RPS6KC1: variants seen among roughly 807,000 people sequenced by gnomAD.
RPS6KC1 encodes the protein inactive ribosomal protein S6 kinase delta-1.
A neutral mutation model predicts 103.8 loss-of-function variants in RPS6KC1; 54 were observed. The ratio of observed to expected loss-of-function variants is 0.52; its 90% CI spans 0.42 to 0.65. The LOEUF (loss-of-function observed/expected upper bound fraction) is 0.65, where lower values mean the gene tolerates loss of function less well. Among genes scored for constraint, RPS6KC1 ranks in the 30% least tolerant of loss-of-function variants. The pLI, the probability that RPS6KC1 is intolerant of heterozygous loss-of-function variation, is 0.00. For missense variants in RPS6KC1, 1,151 were observed against 1,253.8 expected, an observed-to-expected ratio of 0.92 and a Z score of 1.24; for synonymous variants, 439 against 438.7, an observed-to-expected ratio of 1.00 and a Z score of -0.01.
chr1:213,677,216 C>G, the RPS6KC1 span, among the ~76,000 whole-genome samples: 7 of 152,246 alleles, frequency 4.6e-5, no homozygotes, highest in Non-Finnish European at 1.0e-4. Context: ...AACAAGGTCT[C>G]TTGTTATTCC....
intron 3 of RPS6KC1, among the ~76,000 whole-genome samples, chr1:213,101,232 A>G (rs1338402112): frequency 6.6e-6 from 1 of 152,120 alleles, no homozygotes; most frequent in Non-Finnish European, 1.5e-5. Context: ...TCTTCTTTTG[A>G]GAAGAGTCTG....
At chr1:213,590,348 C>A in the RPS6KC1 span, among the ~76,000 whole-genome samples, 1 of 152,036 alleles carries the variant, frequency 6.6e-6, no homozygotes, top group African/African-American at 2.4e-5. Flanking sequence ...ATCAGAGAGA[C>A]TGAAGAAATT....
chr1:213,291,619 G>A, the RPS6KC1 span, among the ~76,000 whole-genome samples: 1 of 152,202 alleles, frequency 6.6e-6, no homozygotes, highest in East Asian at 1.9e-4. Flanking sequence ...CTGAAAATTG[G>A]AGCCCAGAGA....
chr1:213,687,558 C>A, the RPS6KC1 span, among the ~76,000 whole-genome samples: 1 of 152,098 alleles, frequency 6.6e-6, no homozygotes, highest in Non-Finnish European at 1.5e-5. Flanking sequence ...GGATTGAATT[C>A]TATTTTCCTC....
chr1:213,402,958 C>CAAAAAAAAAAA, the RPS6KC1 span, among the ~76,000 whole-genome samples: 14 of 111,426 alleles, frequency 1.3e-4, no homozygotes, highest in East Asian at 2.7e-4. Flanking sequence ...ACTAAAAATA[C>CAAAAAAAAAAA]AAAAAAAAAA....
At chr1:213,298,984 AG>A in the RPS6KC1 span, among the ~76,000 whole-genome samples, 4 of 152,158 alleles carry the variant, frequency 2.6e-5, no homozygotes, top group Admixed American at 2.0e-4. Context: ...AGTGTCAGGT[AG>A]GGCTGGAATC....
chr1:213,485,273 A>G, the RPS6KC1 span, among the ~76,000 whole-genome samples: 1 of 152,168 alleles, frequency 6.6e-6, no homozygotes, highest in East Asian at 1.9e-4. Context: ...CTCCCAACCA[A>G]TGAGTGAGGA....
chr1:213,497,570 A>G, the RPS6KC1 span, among the ~76,000 whole-genome samples: 1 of 152,202 alleles, frequency 6.6e-6, no homozygotes, highest in Admixed American at 6.5e-5. Context: ...GGATGCAACC[A>G]AAGCAGTAAC....
Position 213,240,607 on chromosome 1 carries a change from G to C in RPS6KC1, c.1226-95G>C, listed in dbSNP as rs2094328318. ...TGGATATTATTGACTTGTTTTGATT[G>C]ATTTTTAAGATAGTTTTTGTTTTTC... On this transcript the variant is annotated intron_variant, in intron 10 of 14. Coordinates refer to ENST00000366960, the MANE Select transcript of RPS6KC1 (RefSeq NM_012424.6). 11 of 1,016,894 alleles carry C rather than the reference G, an allele frequency of 1.1e-5. No homozygotes were observed. The Admixed American group carries it at 2.5e-4, about 24-fold the overall frequency. The allele number at this position is 1,016,894 out of a possible 1,614,324, so 63.0% of individuals were successfully genotyped here.
At chr1:213,367,304 C>G in the RPS6KC1 span, among the ~76,000 whole-genome samples, 2 of 152,184 alleles carry the variant, frequency 1.3e-5, no homozygotes, top group African/African-American at 4.8e-5. Flanking sequence ...CTTTTAAGTC[C>G]TTTTCTTGCA....
At chr1:213,287,773 G>A in the RPS6KC1 span, among the ~76,000 whole-genome samples, 37 of 152,204 alleles carry the variant, frequency 2.4e-4, no homozygotes, top group South Asian at 4.2e-4. Context: ...GTTTAAGAGG[G>A]CTGGCTGGCT....
the RPS6KC1 span, among the ~76,000 whole-genome samples, chr1:213,404,982 G>A: frequency 1.3e-5 from 2 of 152,194 alleles, no homozygotes; most frequent in African/African-American, 4.8e-5. Flanking sequence ...TGAGGTGGAG[G>A]CACAAACGCC....
the RPS6KC1 span, among the ~76,000 whole-genome samples, chr1:213,669,677 G>A: frequency 6.6e-6 from 1 of 152,102 alleles, no homozygotes; most frequent in Non-Finnish European, 1.5e-5. Flanking sequence ...AAAGCAGAGA[G>A]CAATAAAATG....
chr1:213,145,352 AAT>A (rs2087616297), intron 6 of RPS6KC1, among the ~76,000 whole-genome samples: 3 of 152,118 alleles, frequency 2.0e-5, no homozygotes, highest in Non-Finnish European at 4.4e-5. Flanking sequence ...GGCTAGGAAG[AAT>A]GAAGTTAGAG....
the RPS6KC1 span, among the ~76,000 whole-genome samples, chr1:213,645,565 A>G: frequency 6.6e-6 from 1 of 152,006 alleles, no homozygotes; most frequent in African/African-American, 2.4e-5. Flanking sequence ...ACCCCATGTC[A>G]CCTACTTGTC....
the RPS6KC1 span, among the ~76,000 whole-genome samples, chr1:213,559,617 C>T: frequency 1.3e-5 from 2 of 152,146 alleles, no homozygotes; most frequent in African/African-American, 4.8e-5. Flanking sequence ...GCTGGCCAAA[C>T]AAAACATCTG....
At chr1:213,414,484 C>T in the RPS6KC1 span, among the ~76,000 whole-genome samples, 1 of 152,108 alleles carries the variant, frequency 6.6e-6, no homozygotes, top group South Asian at 2.1e-4. Context: ...AAGAAGGAGG[C>T]AGAGATTGGG....
the RPS6KC1 span, chr1:213,731,318 T>G: frequency 6.6e-6 from 1 of 152,228 alleles, no homozygotes; most frequent in Non-Finnish European, 1.5e-5. Context: ...TACCATTGAA[T>G]CTATAAATTG....
At chr1:213,764,410 A>T in the RPS6KC1 span, among the ~76,000 whole-genome samples, 10 of 152,144 alleles carry the variant, frequency 6.6e-5, no homozygotes, top group Non-Finnish European at 1.3e-4. Context: ...AGGGCCCAGG[A>T]TCAGCCTGCT....
Sources: allele counts gnomAD v4.1 joint callset (sites outside exome capture counted in the v4.1 genomes callset), GRCh38; gene constraint gnomAD v4.1.1; transcripts MANE v1.5; gene names NCBI Gene and HGNC (gene_info 2026-07-23, HGNC 2026-07-21).